The following SLC12A7 variants were observed in gnomAD, a reference collection of about 807,000 sequenced individuals.
SLC12A7 encodes solute carrier family 12 member 7.
Under a neutral mutation model 120.6 loss-of-function variants are expected in SLC12A7, and 100 were observed. The ratio of observed to expected loss-of-function variants is 0.83; its 90% confidence interval spans 0.71 to 0.98. The LOEUF (loss-of-function observed/expected upper bound fraction) is 0.98, where lower values mean the gene tolerates loss of function less well. SLC12A7 is among the 50% of genes least tolerant of loss of function. The pLI, the probability that SLC12A7 is intolerant of heterozygous loss-of-function variation, is 0.00. For missense variants in SLC12A7, 1,373 were observed against 1,548.1 expected (o/e 0.89, Z 1.90); for synonymous variants, 760 against 678.0 (o/e 1.12, Z -1.88).
intron 22 of SLC12A7, 108 bp downstream of exon 22, chr5:1,057,363 C>T: frequency 8.3e-7 from 1 of 1,200,766 alleles, no homozygotes; most frequent in East Asian, 2.5e-5. Flanking sequence ...CACTGGCCTG[C>T]AGGGTTGCCC....
At chr5:1,125,220 G>A in the SLC12A7 span, among the ~76,000 whole-genome samples, 3 of 152,066 alleles carry the variant, frequency 2.0e-5, no homozygotes, top group Admixed American at 1.3e-4. Flanking sequence ...AGAAACCCAC[G>A]TGCTGAAGAG....
intron 6 of SLC12A7, 103 bp from the exon 7 acceptor site, chr5:1,085,576 G>A (rs1432583659): frequency 1.4e-6 from 2 of 1,441,388 alleles, no homozygotes; most frequent in East Asian, 5.0e-5. Context: ...CCTCCCAACA[G>A]GTGCCGGGGC....
chr5:1,087,300 C>T (rs1185930516), intron 5 of SLC12A7, among the ~76,000 whole-genome samples: 1 of 152,192 alleles, frequency 6.6e-6, no homozygotes, highest in Non-Finnish European at 1.5e-5. Context: ...CTCTGGGGAG[C>T]AGGAGGCCCC....
intron 18 of SLC12A7, among the ~76,000 whole-genome samples, chr5:1,064,788 G>A (rs909575708): frequency 6.7e-6 from 1 of 149,556 alleles, no homozygotes; most frequent in Non-Finnish European, 1.5e-5. Flanking sequence ...ACGGTGAGGG[G>A]ACAGCGAGGA....
chr5:1,104,115 C>G (rs55904689), intron 1 of SLC12A7, among the ~76,000 whole-genome samples: 1 of 152,156 alleles, frequency 6.6e-6, no homozygotes, highest in African/African-American at 2.4e-5. Context: ...CCTGGCCTGG[C>G]GCACTTCCCT....
chr5:1,104,918 C>T (rs1038285114), intron 1 of SLC12A7, among the ~76,000 whole-genome samples: 13 of 152,256 alleles, frequency 8.5e-5, no homozygotes, highest in East Asian at 3.9e-4. Flanking sequence ...CGGCAGCACA[C>T]GCCCCTCCCC....
chr5:1,054,748 G>A lies in SLC12A7; in HGVS notation c.3027-1266C>T, dbSNP rs1225078512. 1.1e-4 allele frequency among the ~76,000 whole-genome samples: 17 copies of A among 152,234 alleles called. No individual in the cohort carries two copies. In the South Asian group the frequency reaches 2.5e-3, roughly 22 times the overall value. On this transcript the variant is annotated intron_variant, in intron 22 of 23. Coordinates refer to ENST00000264930, the MANE Select transcript of SLC12A7 (RefSeq NM_006598.3). ...GCTCACGCCCTTTGATCCGCTTGAC[G>A]CTTAAGCCACATAAACGTGATCATA...
At chr5:1,076,603 C>A in intron 13 of SLC12A7, 91 bp downstream of exon 13, 2 of 919,396 alleles carry the variant, frequency 2.2e-6, no homozygotes, top group East Asian at 2.6e-5. Context: ...TGCCTGTCTA[C>A]TGCTTGTCCT....
chr5:1,088,492 A>G (rs1740135111), intron 4 of SLC12A7, 132 bp from the exon 5 acceptor site: 3 of 954,154 alleles, frequency 3.1e-6, no homozygotes, highest in Non-Finnish European at 4.8e-6. Context: ...CTCCATCTCA[A>G]TGGAGTGGCT....
intron 17 of SLC12A7, among the ~76,000 whole-genome samples, chr5:1,066,104 C>T (rs1000137971): frequency 2.0e-5 from 3 of 152,146 alleles, no homozygotes; most frequent in Admixed American, 6.5e-5. Flanking sequence ...CATGTGTGGA[C>T]GCAGGCCTCC....
At chr5:1,085,135 G>T in intron 7 of SLC12A7, 97 bp downstream of exon 7, 2 of 1,504,664 alleles carry the variant, frequency 1.3e-6, no homozygotes, top group African/African-American at 1.4e-5. Context: ...CTTGCGGGGA[G>T]CTCGGCGTCA....
intron 14 of SLC12A7, 119 bp from the exon 15 acceptor site, chr5:1,075,609 A>C: frequency 7.1e-7 from 1 of 1,401,102 alleles, no homozygotes; most frequent in Admixed American, 2.5e-5. Context: ...CTAGGAAAAC[A>C]GTCACTGACG....
chr5:1,056,127 G>A (rs930998344), intron 22 of SLC12A7, among the ~76,000 whole-genome samples: 35 of 152,276 alleles, frequency 2.3e-4, no homozygotes, highest in African/African-American at 8.4e-4. Context: ...CCGAGGGTCC[G>A]ACCACACAGA....
the SLC12A7 span, among the ~76,000 whole-genome samples, chr5:1,131,043 G>T: frequency 6.6e-6 from 1 of 152,166 alleles, no homozygotes; most frequent in East Asian, 1.9e-4. Context: ...CCAGGGTGAG[G>T]CCTGGGGGAG....
chr5:1,130,964 C>T, the SLC12A7 span, among the ~76,000 whole-genome samples: 1 of 151,972 alleles, frequency 6.6e-6, no homozygotes, highest in Admixed American at 6.6e-5. Context: ...GGAGGGTGGT[C>T]TGAGGGCTGC....
At chr5:1,101,914 C>T (rs969317966) in intron 1 of SLC12A7, among the ~76,000 whole-genome samples, 2 of 152,168 alleles carry the variant, frequency 1.3e-5, no homozygotes, top group South Asian at 4.1e-4. Context: ...CCCTGCTCAC[C>T]GGACCTACCA....
At chr5:1,100,808 T>C (rs1299675623) in intron 1 of SLC12A7, among the ~76,000 whole-genome samples, 1 of 152,022 alleles carries the variant, frequency 6.6e-6, no homozygotes, top group Non-Finnish European at 1.5e-5. Context: ...AAAAAGAAAG[T>C]CCGAGAAACC....
At chr5:1,058,065 C>T (rs993958497) in intron 21 of SLC12A7, among the ~76,000 whole-genome samples, 7 of 152,238 alleles carry the variant, frequency 4.6e-5, no homozygotes, top group African/African-American at 1.7e-4. Context: ...GTACCAGCAT[C>T]CAGGCCCTGT....
chr5:1,087,024 G>T lies in SLC12A7; in HGVS notation c.554C>A (p.Ser185Tyr), dbSNP rs1283600273. The T allele has an allele frequency of 1.2e-6, 2 of 1,611,506 alleles. No individual in the cohort carries two copies. The change falls in exon 6 of 24, where the codon TCC becomes TAC. Residue 185 changes from serine to tyrosine, a missense_variant. By Grantham distance (144) the Ser-to-Tyr change is moderately radical. Coordinates refer to ENST00000264930, the MANE Select transcript of SLC12A7 (RefSeq NM_006598.3). ...CAGCGAGCGCGATATCATGTAGTAGGACCCGCCAGCTGCGGAGACAAAGGC... is the reference window on the plus strand; with the variant it reads ...CAGCGAGCGCGATATCATGTAGTAGTACCCGCCAGCTGCGGAGACAAAGGC... ...ATNGVVPAGGSYYMISRSLGP... is the reference protein window; with the variant it reads ...ATNGVVPAGGYYYMISRSLGP...
Sources: gnomAD v4.1 joint callset for allele counts (sites outside exome capture counted in the v4.1 genomes callset) on GRCh38, gnomAD v4.1.1 for gene constraint, MANE v1.5 for transcripts, NCBI Gene and HGNC (gene_info 2026-07-23, HGNC 2026-07-21) for gene names.